The following KCNT2 variants were observed in gnomAD, a reference collection of about 807,000 sequenced individuals.
KCNT2 encodes the protein potassium channel subfamily T member 2.
A neutral mutation model predicts 153.8 loss-of-function variants in KCNT2; 67 were observed. The observed-to-expected ratio is 0.44, with a 90% CI of 0.36 to 0.53. KCNT2 has a LOEUF of 0.53. Ranked by LOEUF, KCNT2 falls within the 20% of genes least tolerant of loss-of-function variation. The pLI is 0.00. For missense variants in KCNT2, 975 were observed against 1,354.8 expected (o/e 0.72, Z 4.40); for synonymous variants, 500 against 458.8 (o/e 1.09, Z -1.15).
At chr1:196,303,901 T>A (rs1230827815) in intron 22 of KCNT2, among the ~76,000 whole-genome samples, 1 of 152,180 alleles carries the variant, frequency 6.6e-6, no homozygotes, top group Non-Finnish European at 1.5e-5. Flanking sequence ...GATTATTTGG[T>A]TTGCTTTCAA....
intron 9 of KCNT2, among the ~76,000 whole-genome samples, chr1:196,428,644 C>T (rs1301876995): frequency 6.6e-6 from 1 of 152,020 alleles, no homozygotes; most frequent in Admixed American, 6.6e-5. Flanking sequence ...GTTACTCTTA[C>T]CATAACACAC....
At chr1:196,580,051 G>A (rs970918506) in intron 1 of KCNT2, among the ~76,000 whole-genome samples, 1 of 152,140 alleles carries the variant, frequency 6.6e-6, no homozygotes, top group Non-Finnish European at 1.5e-5. Context: ...TTTCAGACAT[G>A]CACAAGCTCA....
intron 13 of KCNT2, among the ~76,000 whole-genome samples, chr1:196,380,960 A>G (rs893366190): frequency 6.6e-6 from 1 of 152,212 alleles, no homozygotes; most frequent in Middle Eastern, 3.2e-3. Flanking sequence ...TGAGGCATTC[A>G]ACCACTAAAT....
intron 1 of KCNT2, among the ~76,000 whole-genome samples, chr1:196,574,520 T>C (rs1000266259): frequency 2.0e-5 from 3 of 151,882 alleles, no homozygotes; most frequent in Admixed American, 6.6e-5. Flanking sequence ...ATTTCATTAC[T>C]TTTTACACTT....
At chr1:196,427,497 C>T (rs555694999) in intron 10 of KCNT2, among the ~76,000 whole-genome samples, 5 of 151,752 alleles carry the variant, frequency 3.3e-5, no homozygotes, top group African/African-American at 4.8e-5. Context: ...TGCCATGGCC[C>T]GTAGCAGAAA....
At chr1:196,270,824 T>G (rs1382640312) in intron 25 of KCNT2, among the ~76,000 whole-genome samples, 1 of 148,352 alleles carries the variant, frequency 6.7e-6, no homozygotes, top group African/African-American at 2.6e-5. Flanking sequence ...GGTTTCAACA[T>G]GCAGGTGTGT....
chr1:196,575,224 T>C (rs748096284), intron 1 of KCNT2, among the ~76,000 whole-genome samples: 1 of 152,182 alleles, frequency 6.6e-6, no homozygotes. Flanking sequence ...TACACAATTA[T>C]TGAACACTCT....
intron 8 of KCNT2, among the ~76,000 whole-genome samples, chr1:196,462,038 T>A (rs1461374594): frequency 1.3e-5 from 2 of 151,776 alleles, no homozygotes; most frequent in Non-Finnish European, 2.9e-5. Flanking sequence ...AGTTCTGATT[T>A]AGTAATGTTA....
intron 1 of KCNT2, among the ~76,000 whole-genome samples, chr1:196,507,854 C>T (rs1572676073): frequency 6.6e-6 from 1 of 151,972 alleles, no homozygotes; most frequent in South Asian, 2.1e-4. Context: ...ATTCCATAAG[C>T]TTCCAGTCAA....
intron 1 of KCNT2, among the ~76,000 whole-genome samples, chr1:196,496,542 G>A (rs1007131698): frequency 4.0e-5 from 6 of 151,418 alleles, no homozygotes; most frequent in Admixed American, 6.6e-5. Flanking sequence ...ACAAGAGTTA[G>A]GTTTCTACTG....
intron 1 of KCNT2, among the ~76,000 whole-genome samples, chr1:196,555,348 T>C (rs1348533661): frequency 2.0e-5 from 3 of 151,484 alleles, no homozygotes; most frequent in Non-Finnish European, 4.4e-5. Flanking sequence ...AGCATTTCTA[T>C]ATGCCAACAG....
intron 1 of KCNT2, among the ~76,000 whole-genome samples, chr1:196,520,398 G>A (rs1428047026): frequency 1.3e-5 from 2 of 151,934 alleles, no homozygotes; most frequent in South Asian, 2.1e-4. Flanking sequence ...ATTGGCACAA[G>A]AGAAAGATGT....
intron 21 of KCNT2, among the ~76,000 whole-genome samples, chr1:196,313,843 G>A (rs116688712): frequency 6.6e-5 from 10 of 151,424 alleles, no homozygotes; most frequent in Non-Finnish European, 1.2e-4. Flanking sequence ...ATTCAGTCTA[G>A]ATTACTATAT....
Position 196,537,573 on chromosome 1 carries a change from C to A in KCNT2, c.96-45232G>T, listed in dbSNP as rs188434435. 7.2e-5 allele frequency among the ~76,000 whole-genome samples: 11 copies of A among 152,264 alleles called. No homozygotes were observed. In the East Asian group the frequency reaches 1.4e-3, roughly 19 times the overall value. ...TGTGGTGTCTCCCCACGCCAGGAAC[C>A]TTGGCCAGTTCCTTCATCAAACAGA... On this transcript the variant is annotated intron_variant, in intron 1 of 27. Coordinates refer to ENST00000294725, the MANE Select transcript of KCNT2 (RefSeq NM_198503.5).
chr1:196,284,136 C>CAGGAGAAT lies in KCNT2; in HGVS notation c.2697+1513_2697+1520dup, dbSNP rs1163876817. 4.8e-5 allele frequency among the ~76,000 whole-genome samples: 7 copies of CAGGAGAAT among 145,258 alleles called. No individual in the cohort carries two copies. In the Admixed American group the frequency reaches 4.9e-4, roughly 10 times the overall value. On this transcript the variant is annotated intron_variant, in intron 23 of 27. Coordinates refer to ENST00000294725, the MANE Select transcript of KCNT2 (RefSeq NM_198503.5). ...ATCTCAGCTATTTGGGAGCCTGAGG[C>CAGGAGAAT]AGGAGAATTGCATGAACCTGGGAGC... is the stretch of plus-strand genomic sequence containing the variant.
intron 13 of KCNT2, among the ~76,000 whole-genome samples, chr1:196,390,858 C>T (rs113236939): frequency 0.056 from 8,317 of 147,620 alleles, 363 homozygotes; most frequent in Non-Finnish European, 0.085. Flanking sequence ...TCTCCACTTG[C>T]TGGCCATCCT....
chr1:196,380,785 A>C (rs1669413139), intron 13 of KCNT2, among the ~76,000 whole-genome samples: 1 of 152,190 alleles, frequency 6.6e-6, no homozygotes, highest in Admixed American at 6.5e-5. Context: ...GAGTGGGTTT[A>C]TTGCTACAAA....
chr1:196,462,362 T>A (rs1191637416), intron 8 of KCNT2, among the ~76,000 whole-genome samples: 1 of 151,684 alleles, frequency 6.6e-6, no homozygotes, highest in African/African-American at 2.4e-5. Flanking sequence ...CCATTATCTT[T>A]AACTTGGTGG....
chr1:196,367,675 A>T (rs1668159353), intron 14 of KCNT2, among the ~76,000 whole-genome samples: 1 of 152,194 alleles, frequency 6.6e-6, no homozygotes, highest in South Asian at 2.1e-4. Context: ...ATCTGTGACA[A>T]AATGACAGAA....
Sources: gnomAD v4.1 joint callset for allele counts (sites outside exome capture counted in the v4.1 genomes callset) on GRCh38, gnomAD v4.1.1 for gene constraint, MANE v1.5 for transcripts, NCBI Gene and HGNC (gene_info 2026-07-23, HGNC 2026-07-21) for gene names.